Variants in TTC23L observed in about 807,000 individuals in gnomAD.
TTC23L encodes tetratricopeptide repeat domain 23 like, also known as tetratricopeptide repeat protein 23-like.
TTC23L carries 42 observed loss-of-function variants against 48.1 expected under a neutral mutation model. The observed-to-expected ratio is 0.87, with a 90% CI of 0.68 to 1.13. The LOEUF is 1.13. Among genes scored for constraint, TTC23L ranks in the 50% most tolerant of loss-of-function variants. The pLI, the probability that TTC23L is intolerant of heterozygous loss-of-function variation, is 0.00. For synonymous variants in TTC23L, 159 were observed against 157.2 expected (o/e 1.01, Z -0.09); for missense variants, 391 against 421.0 (o/e 0.93, Z 0.62).
intron 4 of TTC23L, among the ~76,000 whole-genome samples, chr5:34,850,955 A>G (rs768901661): frequency 3.9e-4 from 60 of 152,334 alleles, no homozygotes; most frequent in Admixed American, 7.8e-4. Flanking sequence ...AACCAGGGAC[A>G]TAGCCAGCTC....
At chr5:34,889,174 T>G (rs1213984957) in intron 9 of TTC23L, among the ~76,000 whole-genome samples, 1 of 152,196 alleles carries the variant, frequency 6.6e-6, no homozygotes, top group African/African-American at 2.4e-5. Flanking sequence ...TTATACCAAA[T>G]TCATAAAACT....
downstream of TTC23L, among the ~76,000 whole-genome samples, chr5:34,903,082 C>A (rs1446660094): frequency 6.6e-6 from 1 of 151,974 alleles, no homozygotes; most frequent in Non-Finnish European, 1.5e-5. Flanking sequence ...AAACCTATAT[C>A]AATAAACAGT....
intron 2 of TTC23L, among the ~76,000 whole-genome samples, chr5:34,844,814 G>C (rs933076950): frequency 2.0e-5 from 3 of 152,018 alleles, no homozygotes; most frequent in Non-Finnish European, 4.4e-5. Flanking sequence ...CACAACTAGG[G>C]ATATTTCTCC....
At chr5:34,854,432 C>T (rs530525631) in intron 4 of TTC23L, among the ~76,000 whole-genome samples, 38 of 152,142 alleles carry the variant, frequency 2.5e-4, no homozygotes, top group Non-Finnish European at 5.3e-4. Context: ...GCTTTTATTT[C>T]AGTTTCTTCA....
the TTC23L span, among the ~76,000 whole-genome samples, chr5:34,924,541 T>C: frequency 3.3e-5 from 5 of 152,238 alleles, no homozygotes; most frequent in Admixed American, 3.3e-4. Flanking sequence ...TAGTGGTTAC[T>C]GTTTTAAAAT....
chr5:34,894,098 G>C (rs1272366507), intron 9 of TTC23L, among the ~76,000 whole-genome samples: 1 of 152,084 alleles, frequency 6.6e-6, no homozygotes, highest in African/African-American at 2.4e-5. Flanking sequence ...TGGTGGATAT[G>C]TTGGGAAAAG....
At position 34,862,781 on chromosome 5, in the gene TTC23L, T is replaced by C. The variant is rs1050158987; in HGVS notation, c.380-117T>C. ...ATTCACAGCCAGATTTAGGAACCAATGCTATAGACCATACGACAACTGCAC... is the reference window on the plus strand; with the variant it reads ...ATTCACAGCCAGATTTAGGAACCAACGCTATAGACCATACGACAACTGCAC... On this transcript the variant is annotated intron_variant, in intron 4 of 10. Coordinates refer to ENST00000505624, the Ensembl canonical transcript of TTC23L. 5.9e-6 allele frequency: 7 copies of C among 1,189,458 alleles called. No homozygotes were observed. In the African/African-American group the frequency reaches 1.1e-4, roughly 18 times the overall value. 73.7% of individuals were successfully genotyped at this position (1,189,458 alleles called of 1,614,324 possible). A position where few individuals can be genotyped will look rare whatever the true frequency, so the allele number is the denominator to read the frequency against.
chr5:34,910,976 T>A, the TTC23L span, among the ~76,000 whole-genome samples: 1 of 152,286 alleles, frequency 6.6e-6, no homozygotes, highest in Admixed American at 6.5e-5. Flanking sequence ...CCTTGAGCAA[T>A]CCTCCCTAAA....
chr5:34,851,870 C>T (rs1251287838), intron 4 of TTC23L, among the ~76,000 whole-genome samples: 1 of 152,078 alleles, frequency 6.6e-6, no homozygotes, highest in Non-Finnish European at 1.5e-5. Context: ...GGTCCCTATG[C>T]TCTAGGAGCA....
At chr5:34,916,350 C>T in the TTC23L span, 1 of 153,968 alleles carries the variant, frequency 6.5e-6, no homozygotes, top group Non-Finnish European at 1.4e-5. Flanking sequence ...GCCCTTGGGA[C>T]TGTGACTCTG....
chr5:34,913,177 C>T, the TTC23L span, among the ~76,000 whole-genome samples: 1 of 152,102 alleles, frequency 6.6e-6, no homozygotes, highest in African/African-American at 2.4e-5. Flanking sequence ...AAACATTTCA[C>T]AATGCTAAAA....
At chr5:34,890,648 TG>T in intron 9 of TTC23L, among the ~76,000 whole-genome samples, 1 of 152,248 alleles carries the variant, frequency 6.6e-6, no homozygotes, top group South Asian at 2.1e-4. Flanking sequence ...GTGGGAAAAC[TG>T]AAGTTTTATG....
the TTC23L span, chr5:34,922,334 T>C: frequency 2.5e-6 from 3 of 1,216,894 alleles, no homozygotes; most frequent in East Asian, 2.3e-5. Context: ...TAAGTGGATT[T>C]GTTCTTTGTA....
the TTC23L span, chr5:34,915,532 G>C: frequency 7.4e-6 from 4 of 542,678 alleles, no homozygotes; most frequent in South Asian, 2.8e-5. Context: ...TCTTCAGACC[G>C]GCCCTCCACC....
chr5:34,843,398 A>G (rs1023995552), intron 2 of TTC23L, among the ~76,000 whole-genome samples: 8 of 152,178 alleles, frequency 5.3e-5, no homozygotes, highest in Non-Finnish European at 1.0e-4. Context: ...CACCTTCTAT[A>G]ACATGATGTT....
At chr5:34,912,446 T>C in the TTC23L span, among the ~76,000 whole-genome samples, 1 of 152,346 alleles carries the variant, frequency 6.6e-6, no homozygotes, top group Middle Eastern at 3.4e-3. Flanking sequence ...GAATGGAAGA[T>C]GACAGATGCT....
chr5:34,898,120 G>T (rs1289708746), intron 10 of TTC23L, among the ~76,000 whole-genome samples: 1 of 152,140 alleles, frequency 6.6e-6, no homozygotes, highest in Non-Finnish European at 1.5e-5. Flanking sequence ...TATATGTAAA[G>T]TGCTTAGCAG....
chr5:34,872,024 A>G (rs1761500915), intron 8 of TTC23L, among the ~76,000 whole-genome samples: 1 of 152,076 alleles, frequency 6.6e-6, no homozygotes, highest in Non-Finnish European at 1.5e-5. Flanking sequence ...AGGCCTGGAT[A>G]CAAACTAAAT....
the TTC23L span, chr5:34,915,386 T>A: frequency 2.8e-5 from 7 of 245,616 alleles, no homozygotes; most frequent in African/African-American, 1.6e-4. Flanking sequence ...CGCTTACTAG[T>A]CTCGGGGTCC....
Sources: gnomAD v4.1 joint callset for allele counts (sites outside exome capture counted in the v4.1 genomes callset) on GRCh38, gnomAD v4.1.1 for gene constraint, MANE v1.5 for transcripts, NCBI Gene and HGNC (gene_info 2026-07-23, HGNC 2026-07-21) for gene names.